The following NALF1 variants were observed in gnomAD, a reference collection of about 807,000 sequenced individuals.
NALF1 encodes the protein family with sequence similarity 155 member A.
Under a neutral mutation model 48.4 loss-of-function variants are expected in NALF1, and 3 were observed. The observed-to-expected ratio is 0.06, with a 90% CI of 0.03 to 0.16. The LOEUF (loss-of-function observed/expected upper bound fraction) is 0.16, where lower values mean the gene tolerates loss of function less well. Ranked by LOEUF, NALF1 falls within the 10% of genes least tolerant of loss-of-function variation. The pLI is 1.00. For missense variants in NALF1, 526 were observed against 571.5 expected (o/e 0.92, Z 0.81); for synonymous variants, 262 against 245.7 (o/e 1.07, Z -0.62).
chr13:107,335,915 T>G (rs1882546844), intron 1 of NALF1, among the ~76,000 whole-genome samples: 1 of 151,460 alleles, frequency 6.6e-6, no homozygotes, highest in African/African-American at 2.4e-5. Flanking sequence ...AATTGCATCT[T>G]TCCAAATATT....
intron 1 of NALF1, among the ~76,000 whole-genome samples, chr13:107,615,102 C>T (rs1217191578): frequency 3.3e-5 from 5 of 152,116 alleles, no homozygotes; most frequent in African/African-American, 1.2e-4. Flanking sequence ...TGTTTCTGAC[C>T]ATAGACATCT....
chr13:107,693,295 G>A (rs926017132), intron 1 of NALF1, among the ~76,000 whole-genome samples: 3 of 137,388 alleles, frequency 2.2e-5, no homozygotes, highest in East Asian at 2.3e-4. Flanking sequence ...GACACAGGGC[G>A]GGGAACACCA....
At chr13:107,268,377 G>T (rs184374240) in intron 1 of NALF1, among the ~76,000 whole-genome samples, 1 of 152,120 alleles carries the variant, frequency 6.6e-6, no homozygotes, top group East Asian at 1.9e-4. Context: ...GATGAGGGGG[G>T]ACTACTGTGC....
Position 107,418,776 on chromosome 13 carries a change from T to A in NALF1, c.916-208021A>T, listed in dbSNP as rs116824054. 2.9e-3 allele frequency among the ~76,000 whole-genome samples: 438 copies of A among 152,230 alleles called. 2 individuals carry two copies. Among genetic ancestry groups the A allele is most frequent in the African/African-American group, 0.01 (424 of 41,550 alleles). On this transcript the variant is annotated intron_variant, in intron 1 of 2. Coordinates refer to ENST00000375915, the MANE Select transcript of NALF1 (RefSeq NM_001080396.3). Reference sequence around the variant, plus strand: ...TGACCATGTGGACTCAATGTTTAGTTCCCATTTATCATTACAATTCATTTC... The same window carrying A: ...TGACCATGTGGACTCAATGTTTAGTACCCATTTATCATTACAATTCATTTC...
intron 1 of NALF1, among the ~76,000 whole-genome samples, chr13:107,222,804 G>A (rs902528255): frequency 1.3e-5 from 2 of 152,204 alleles, no homozygotes; most frequent in Non-Finnish European, 2.9e-5. Flanking sequence ...CGCAGGAGGG[G>A]CCTAGCCTCT....
chr13:107,462,704 C>T (rs146499548), intron 1 of NALF1, among the ~76,000 whole-genome samples: 1 of 152,252 alleles, frequency 6.6e-6, no homozygotes, highest in African/African-American at 2.4e-5. Context: ...CCAGAGAAAC[C>T]CTAGACACGA....
chr13:107,555,840 A>C (rs1877456355), intron 1 of NALF1, among the ~76,000 whole-genome samples: 1 of 152,126 alleles, frequency 6.6e-6, no homozygotes. Flanking sequence ...AAGAAATTCT[A>C]CCACCTGCAA....
chr13:107,234,725 C>G (rs1034908603), intron 1 of NALF1, among the ~76,000 whole-genome samples: 1 of 151,928 alleles, frequency 6.6e-6, no homozygotes, highest in Non-Finnish European at 1.5e-5. Context: ...CCAAAACAAA[C>G]AAAACAAAAA....
intron 2 of NALF1, among the ~76,000 whole-genome samples, chr13:107,206,751 T>C (rs1879652273): frequency 2.0e-5 from 3 of 152,212 alleles, no homozygotes; most frequent in Admixed American, 6.5e-5. Context: ...GGTTTGTCAC[T>C]AAGGAGAAGC....
At chr13:107,288,646 C>G (rs1412545321) in intron 1 of NALF1, among the ~76,000 whole-genome samples, 2 of 151,812 alleles carry the variant, frequency 1.3e-5, no homozygotes, top group Non-Finnish European at 2.9e-5. Flanking sequence ...ATTGTCCTGC[C>G]TCAGCCTCCG....
At chr13:107,517,183 AC>A (rs1197821108) in intron 1 of NALF1, among the ~76,000 whole-genome samples, 1 of 152,214 alleles carries the variant, frequency 6.6e-6, no homozygotes, top group Non-Finnish European at 1.5e-5. Context: ...TTGGTACAAA[AC>A]CTATTGAAAA....
chr13:107,754,670 G>A (rs181429565), intron 1 of NALF1, among the ~76,000 whole-genome samples: 3 of 152,142 alleles, frequency 2.0e-5, no homozygotes, highest in East Asian at 1.9e-4. Context: ...AGAGCATTTC[G>A]GTCCTTCATA....
At chr13:107,712,020 C>G (rs1025883040) in intron 1 of NALF1, among the ~76,000 whole-genome samples, 1 of 151,864 alleles carries the variant, frequency 6.6e-6, no homozygotes, top group East Asian at 1.9e-4. Flanking sequence ...TAAAATCACA[C>G]AAAGTCCCAG....
chr13:107,470,470 T>C (rs1299431916), intron 1 of NALF1, among the ~76,000 whole-genome samples: 2 of 152,226 alleles, frequency 1.3e-5, no homozygotes, highest in Non-Finnish European at 2.9e-5. Flanking sequence ...AGTCACGAAG[T>C]TTTCTTTGCA....
At chr13:107,609,114 C>T (rs1237370641) in intron 1 of NALF1, among the ~76,000 whole-genome samples, 2 of 151,476 alleles carry the variant, frequency 1.3e-5, no homozygotes, top group East Asian at 4.2e-4. Context: ...TGCCCCAAAA[C>T]TTCCACCTCC....
intron 2 of NALF1, among the ~76,000 whole-genome samples, chr13:107,187,544 GGCTCC>G (rs1425096315): frequency 6.6e-6 from 1 of 152,142 alleles, no homozygotes; most frequent in Non-Finnish European, 1.5e-5. Context: ...CTGATCCTGA[GGCTCC>G]TGACTTCCAC....
intron 1 of NALF1, among the ~76,000 whole-genome samples, chr13:107,262,376 C>T (rs1030864131): frequency 1.3e-5 from 2 of 152,210 alleles, no homozygotes; most frequent in African/African-American, 4.8e-5. Context: ...GATCACGCTG[C>T]TACACTCCAA....
At chr13:107,714,634 A>AAAAAAAAAAG (rs1370401022) in intron 1 of NALF1, among the ~76,000 whole-genome samples, 4 of 151,330 alleles carry the variant, frequency 2.6e-5, no homozygotes, top group Non-Finnish European at 3.0e-5. Flanking sequence ...ATTAAAAAAA[A>AAAAAAAAAAG]AAAAAGAAAG....
chr13:107,673,157 T>C (rs527273416), intron 1 of NALF1, among the ~76,000 whole-genome samples: 1 of 152,282 alleles, frequency 6.6e-6, no homozygotes, highest in South Asian at 2.1e-4. Flanking sequence ...TCTAAAGACT[T>C]TCCAATAGCT....
Sources: gnomAD v4.1 joint callset for allele counts (sites outside exome capture counted in the v4.1 genomes callset) on GRCh38, gnomAD v4.1.1 for gene constraint, MANE v1.5 for transcripts, NCBI Gene and HGNC (gene_info 2026-07-23, HGNC 2026-07-21) for gene names.